The following HORMAD2 variants were observed in gnomAD, a reference collection of about 807,000 sequenced individuals.
HORMAD2 encodes the protein HORMA domain-containing protein 2.
HORMAD2 carries 45 observed loss-of-function variants against 38.8 expected under a neutral mutation model. That is an observed-to-expected ratio of 1.16 (90% CI 0.91 to 1.49). The LOEUF (loss-of-function observed/expected upper bound fraction) is 1.49. Among genes scored for constraint, HORMAD2 ranks in the 40% most tolerant of loss-of-function variants. The pLI, the probability that HORMAD2 is intolerant of heterozygous loss-of-function variation, is 0.00. For synonymous variants in HORMAD2, 126 were observed against 122.8 expected, an observed-to-expected ratio of 1.03 and a Z score of -0.17; for missense variants, 338 against 367.0, an observed-to-expected ratio of 0.92 and a Z score of 0.65.
intron 1 of HORMAD2, among the ~76,000 whole-genome samples, chr22:30,089,327 A>G (rs1031296034): frequency 6.6e-6 from 1 of 151,948 alleles, no homozygotes; most frequent in African/African-American, 2.4e-5. Flanking sequence ...AAGACTTTGT[A>G]AAGAAAAGGG....
rs564606736 is a variant in HORMAD2 at position 30,080,780 on chromosome 22, G to A, written c.-38+289G>A. On this transcript the variant is annotated intron_variant, in intron 1 of 10. Transcript: ENST00000336726. ...TTCTGGACATGAAATCAAACTTGCT[G>A]AGCAAGCAGCAGCCATAATGAGCCA... 5.3e-5 allele frequency among the ~76,000 whole-genome samples: 8 copies of A among 152,180 alleles called. No homozygotes were observed. The South Asian group carries it at 1.7e-3, about 32-fold the overall frequency.
At chr22:30,137,074 T>C in intron 10 of HORMAD2, 1 of 380,234 alleles carries the variant, frequency 2.6e-6, no homozygotes, top group Non-Finnish European at 4.9e-6. Flanking sequence ...AAATAATCAT[T>C]GATAGTCTTG....
At chr22:30,160,978 G>A (rs185840227) in intron 10 of HORMAD2, among the ~76,000 whole-genome samples, 77 of 152,200 alleles carry the variant, frequency 5.1e-4, no homozygotes, top group Non-Finnish European at 6.8e-4. Flanking sequence ...TCACTTTAGG[G>A]GTTTTCTATT....
At chr22:30,084,945 A>G (rs2068544771) in intron 1 of HORMAD2, among the ~76,000 whole-genome samples, 1 of 151,926 alleles carries the variant, frequency 6.6e-6, no homozygotes, top group Non-Finnish European at 1.5e-5. Flanking sequence ...GGAGTTCGAG[A>G]CCATCGTCGC....
At chr22:30,107,736 C>G (rs1033860562) in intron 5 of HORMAD2, among the ~76,000 whole-genome samples, 1 of 150,858 alleles carries the variant, frequency 6.6e-6, no homozygotes, top group East Asian at 2.0e-4. Context: ...GGCGACAGAG[C>G]GAAACTTCAT....
At chr22:30,179,478 A>G (rs537614212), downstream of HORMAD2, among the ~76,000 whole-genome samples, 11 of 152,358 alleles carry the variant, frequency 7.2e-5, 2 homozygotes, top group East Asian at 2.1e-3. Flanking sequence ...CCCTTGTCTT[A>G]GTTAAAAAGA....
intron 3 of HORMAD2, among the ~76,000 whole-genome samples, chr22:30,102,370 A>G (rs896833273): frequency 1.3e-5 from 2 of 152,184 alleles, no homozygotes; most frequent in African/African-American, 4.8e-5. Flanking sequence ...TTTTTGTGAC[A>G]GTTATTGTGG....
chr22:30,088,203 A>G (rs143647696), intron 1 of HORMAD2, among the ~76,000 whole-genome samples: 6,786 of 150,290 alleles, frequency 0.045, 507 homozygotes, highest in African/African-American at 0.16. Context: ...ATGTATACAT[A>G]TATACATATA....
At chr22:30,194,881 C>A in the HORMAD2 span, among the ~76,000 whole-genome samples, 1 of 152,102 alleles carries the variant, frequency 6.6e-6, no homozygotes, top group African/African-American at 2.4e-5. Flanking sequence ...ATTCCCTGAA[C>A]CAGTAGCAAT....
intron 10 of HORMAD2, among the ~76,000 whole-genome samples, chr22:30,167,849 T>A (rs552060433): frequency 5.5e-4 from 84 of 152,266 alleles, no homozygotes; most frequent in Non-Finnish European, 1.1e-3. Flanking sequence ...AGCACTAAAC[T>A]TGAAATCAGA....
At chr22:30,095,655 A>ATGTAGGTACTACATT (rs1011392295) in intron 2 of HORMAD2, among the ~76,000 whole-genome samples, 7 of 152,230 alleles carry the variant, frequency 4.6e-5, no homozygotes, top group African/African-American at 1.7e-4. Context: ...AGAACCTAAA[A>ATGTAGGTACTACATT]CAGTACCTAG....
chr22:30,170,995 C>T (rs1926075457), intron 10 of HORMAD2, among the ~76,000 whole-genome samples: 1 of 152,104 alleles, frequency 6.6e-6, no homozygotes, highest in Non-Finnish European at 1.5e-5. Flanking sequence ...TTAATTTCTC[C>T]ACTCCCTCTT....
chr22:30,130,171 C>T (rs894976938), intron 10 of HORMAD2, among the ~76,000 whole-genome samples: 2 of 152,016 alleles, frequency 1.3e-5, no homozygotes, highest in Non-Finnish European at 2.9e-5. Context: ...GTTGTGAGAC[C>T]GTTGAAAATA....
At chr22:30,131,770 A>C (rs1337194097) in intron 10 of HORMAD2, among the ~76,000 whole-genome samples, 3 of 152,186 alleles carry the variant, frequency 2.0e-5, no homozygotes, top group Non-Finnish European at 2.9e-5. Context: ...TCTTATTTCA[A>C]TTTAAAAATA....
rs1271808645 is a variant in HORMAD2, at chr22:30,111,789, C to G, written c.295-7C>G. The G allele has an allele frequency of 6.5e-7, 1 of 1,549,396 alleles. No individual in the cohort carries two copies. Among genetic ancestry groups the G allele is most frequent in the Non-Finnish European group, 8.7e-7 (1 of 1,144,466 alleles). ...ATAATAATAGTTTTTTTTTCTTTCT[C>G]TTGAAGCTACGTATGGCAGTACTGA... is the stretch of plus-strand genomic sequence containing the variant. On this transcript the variant is annotated splice_region_variant and splice_polypyrimidine_tract_variant and intron_variant, in intron 5 of 10. Coordinates refer to ENST00000336726, the MANE Select transcript of HORMAD2 (RefSeq NM_152510.4).
downstream of HORMAD2, among the ~76,000 whole-genome samples, chr22:30,179,142 C>T (rs368236032): frequency 6.6e-5 from 10 of 152,056 alleles, no homozygotes; most frequent in African/African-American, 2.2e-4. Flanking sequence ...GTTTCAAACC[C>T]AACAGTATTG....
intron 10 of HORMAD2, among the ~76,000 whole-genome samples, chr22:30,155,922 G>T (rs771004328): frequency 6.6e-6 from 1 of 151,970 alleles, no homozygotes; most frequent in African/African-American, 2.4e-5. Context: ...ACACCTCTAG[G>T]ACTCTTGACT....
At chr22:30,194,582 T>G in the HORMAD2 span, among the ~76,000 whole-genome samples, 23 of 152,328 alleles carry the variant, frequency 1.5e-4, no homozygotes, top group African/African-American at 4.3e-4. Flanking sequence ...ACCCAGAGAA[T>G]GGCCACCCAC....
downstream of HORMAD2, among the ~76,000 whole-genome samples, chr22:30,178,394 CAG>C (rs1926569251): frequency 6.6e-6 from 1 of 152,176 alleles, no homozygotes; most frequent in Non-Finnish European, 1.5e-5. Context: ...TGTGAGACAA[CAG>C]AGAAGTTTCT....
Sources: allele counts gnomAD v4.1 joint callset (sites outside exome capture counted in the v4.1 genomes callset), GRCh38; gene constraint gnomAD v4.1.1; transcripts MANE v1.5; gene names NCBI Gene and HGNC (gene_info 2026-07-23, HGNC 2026-07-21).